The following SLC2A9 variants were observed in gnomAD, a reference collection of about 807,000 sequenced individuals.
The protein encoded by SLC2A9 is solute carrier family 2, facilitated glucose transporter member 9.
Under a neutral mutation model 50.6 loss-of-function variants are expected in SLC2A9, and 39 were observed. The ratio of observed to expected loss-of-function variants is 0.77; its 90% CI spans 0.60 to 1.01. The LOEUF (loss-of-function observed/expected upper bound fraction) is 1.01, where lower values mean the gene tolerates loss of function less well. Ranked by LOEUF, SLC2A9 falls within the 50% of genes least tolerant of loss-of-function variation. The pLI is 0.00. For synonymous variants in SLC2A9, 324 were observed against 276.9 expected (o/e 1.17, Z -1.69); for missense variants, 686 against 677.6 (o/e 1.01, Z -0.14).
intron 10 of SLC2A9, among the ~76,000 whole-genome samples, chr4:9,860,868 C>T (rs910485797): frequency 1.3e-5 from 2 of 152,212 alleles, no homozygotes; most frequent in Non-Finnish European, 2.9e-5. Context: ...ACACACGGGG[C>T]CTTTGTACCA....
chr4:9,985,451 T>C (rs536375109), intron 4 of SLC2A9, among the ~76,000 whole-genome samples: 60 of 152,320 alleles, frequency 3.9e-4, no homozygotes, highest in African/African-American at 1.3e-3. Flanking sequence ...CTGCGGACCC[T>C]GCCCAGCATT....
At chr4:9,962,245 C>A (rs1230709142) in intron 5 of SLC2A9, among the ~76,000 whole-genome samples, 1 of 152,142 alleles carries the variant, frequency 6.6e-6, no homozygotes, top group Non-Finnish European at 1.5e-5. Flanking sequence ...ATAAATCATT[C>A]TATTATAAAG....
chr4:9,783,029 C>T, intron 3 of SLC2A9: 2 of 1,614,240 alleles, frequency 1.2e-6, no homozygotes, highest in Non-Finnish European at 1.7e-6. Context: ...GGCCGGCTTC[C>T]CCTGCGTCAG....
intron 2 of SLC2A9, among the ~76,000 whole-genome samples, chr4:9,998,604 T>A (rs1057280680): frequency 6.6e-6 from 1 of 152,130 alleles, no homozygotes; most frequent in African/African-American, 2.4e-5. Flanking sequence ...GCTAGTCAAA[T>A]GGAAGATGCC....
At chr4:9,929,218 G>A (rs1338502999) in intron 6 of SLC2A9, among the ~76,000 whole-genome samples, 1 of 152,242 alleles carries the variant, frequency 6.6e-6, no homozygotes, top group South Asian at 2.1e-4. Context: ...CACTTTGCAG[G>A]TGAGAAGATG....
chr4:9,982,646 A>C (rs905243246), intron 4 of SLC2A9, among the ~76,000 whole-genome samples: 2 of 152,224 alleles, frequency 1.3e-5, no homozygotes, highest in Non-Finnish European at 2.9e-5. Flanking sequence ...AGTTGCCTCC[A>C]CTAGGAAAGG....
exon 2 of SLC2A9, chr4:9,771,310 G>GGT (rs1193734597): frequency 5.1e-6 from 2 of 389,114 alleles, no homozygotes; most frequent in Non-Finnish European, 9.1e-6. Flanking sequence ...TCCTTCACCT[G>GGT]GTGACTCAGG....
chr4:9,787,782 G>C (rs960646761), intron 3 of SLC2A9, among the ~76,000 whole-genome samples: 2 of 152,130 alleles, frequency 1.3e-5, no homozygotes, highest in African/African-American at 2.4e-5. Flanking sequence ...TCCATGATTG[G>C]ATTCTGTCAT....
chr4:9,933,572 A>G (rs1327380977), intron 6 of SLC2A9, among the ~76,000 whole-genome samples: 1 of 152,202 alleles, frequency 6.6e-6, no homozygotes, highest in African/African-American at 2.4e-5. Context: ...TAGTCTTCTC[A>G]TCTATAAAGC....
chr4:9,894,244 A>C (rs946902971), intron 8 of SLC2A9, among the ~76,000 whole-genome samples: 2 of 152,270 alleles, frequency 1.3e-5, no homozygotes, highest in Non-Finnish European at 2.9e-5. Context: ...AAATATGTAG[A>C]AATTAACATA....
downstream of SLC2A9, among the ~76,000 whole-genome samples, chr4:9,777,761 T>A (rs1319269684): frequency 2.6e-5 from 4 of 152,204 alleles, no homozygotes; most frequent in African/African-American, 9.7e-5. Flanking sequence ...CAGGCGGTGA[T>A]GTGAAAGATG....
At chr4:9,952,874 T>C (rs1750568370) in intron 5 of SLC2A9, among the ~76,000 whole-genome samples, 1 of 152,188 alleles carries the variant, frequency 6.6e-6, no homozygotes, top group African/African-American at 2.4e-5. Flanking sequence ...GAAATAACAA[T>C]GTCAGAGCTG....
intron 3 of SLC2A9, among the ~76,000 whole-genome samples, chr4:9,806,608 C>T (rs991507910): frequency 7.9e-5 from 12 of 152,122 alleles, no homozygotes; most frequent in African/African-American, 2.7e-4. Flanking sequence ...CTGGTCTCAG[C>T]ATTTGGCTCC....
intron 3 of SLC2A9, among the ~76,000 whole-genome samples, chr4:9,786,989 C>T (rs1004318670): frequency 1.3e-5 from 2 of 152,196 alleles, no homozygotes; most frequent in Non-Finnish European, 2.9e-5. Flanking sequence ...GACTCCAGGT[C>T]CCAGCTCCCT....
intron 2 of SLC2A9, among the ~76,000 whole-genome samples, chr4:10,016,037 G>A (rs923981903): frequency 9.2e-5 from 14 of 152,288 alleles, no homozygotes; most frequent in African/African-American, 2.6e-4. Context: ...AGGCCTCCTC[G>A]GGGTGCTTGC....
rs1460540596 is a variant in SLC2A9 at position 9,826,692 on chromosome 4, A to G, written c.1420-92T>C. ...ACACAGATTTTTAAGATAGCTCCAC[A>G]TTCATATACCAATACTCCTAGACAA... On this transcript the variant is annotated intron_variant, in intron 11 of 11. Coordinates refer to ENST00000264784, the MANE Select transcript of SLC2A9 (RefSeq NM_020041.3). The G allele has an allele frequency of 5.2e-5, 60 of 1,160,786 alleles. No individual in the cohort carries two copies. In the East Asian group the frequency reaches 1.3e-3, roughly 25 times the overall value. The allele number at this position is 1,160,786 out of a possible 1,614,324, so 71.9% of individuals were successfully genotyped here.
At chr4:9,890,763 A>C (rs750685916) in intron 8 of SLC2A9, 52 bp from the exon 9 acceptor site, 75 of 1,514,168 alleles carry the variant, frequency 5.0e-5, no homozygotes, top group Non-Finnish European at 6.5e-5. Flanking sequence ...TTCTAACCAC[A>C]ACAGGGGAAT....
intron 5 of SLC2A9, among the ~76,000 whole-genome samples, chr4:9,960,903 G>A (rs1934994991): frequency 6.6e-6 from 1 of 152,170 alleles, no homozygotes; most frequent in Non-Finnish European, 1.5e-5. Context: ...TAGACTGAGG[G>A]ATTAGGGCTT....
At chr4:9,901,252 G>A (rs11732681) in intron 8 of SLC2A9, among the ~76,000 whole-genome samples, 59,182 of 151,706 alleles carry the variant, frequency 0.39, 13,521 homozygotes, top group Non-Finnish European at 0.51. Flanking sequence ...ATAAACTGGG[G>A]ACTTGATCTA....
Sources: allele counts gnomAD v4.1 joint callset (sites outside exome capture counted in the v4.1 genomes callset), GRCh38; gene constraint gnomAD v4.1.1; transcripts MANE v1.5; gene names NCBI Gene and HGNC (gene_info 2026-07-23, HGNC 2026-07-21).